The following NRG3 variants were observed in gnomAD, a reference collection of about 807,000 sequenced individuals.
NRG3 encodes pro-neuregulin-3, membrane-bound isoform.
NRG3 carries 31 observed loss-of-function variants against 66.9 expected under a neutral mutation model. The observed-to-expected ratio is 0.46, with a 90% confidence interval of 0.35 to 0.63. The LOEUF is 0.63. Among genes scored for constraint, NRG3 ranks in the 20% least tolerant of loss-of-function variants. The pLI is 0.00. For synonymous variants in NRG3, 393 were observed against 359.4 expected (o/e 1.09, Z -1.06); for missense variants, 910 against 878.9 (o/e 1.04, Z -0.45).
At chr10:82,582,803 GGT>G (rs2046440597) in intron 2 of NRG3, among the ~76,000 whole-genome samples, 1 of 151,948 alleles carries the variant, frequency 6.6e-6, no homozygotes, top group African/African-American at 2.4e-5. Context: ...ATAGCATCAT[GGT>G]CAAAGTGCTT....
At chr10:82,129,052 A>G (rs2068643713) in intron 1 of NRG3, among the ~76,000 whole-genome samples, 1 of 151,914 alleles carries the variant, frequency 6.6e-6, no homozygotes, top group Non-Finnish European at 1.5e-5. Context: ...AGCTGTGATT[A>G]CAGATGCCTG....
intron 2 of NRG3, among the ~76,000 whole-genome samples, chr10:82,596,764 C>T (rs669517): frequency 0.083 from 12,572 of 152,192 alleles, 616 homozygotes; most frequent in East Asian, 0.15. Flanking sequence ...CAGTGTTTTG[C>T]AGTGCAAATC....
intron 1 of NRG3, among the ~76,000 whole-genome samples, chr10:82,219,981 TAC>T (rs1046772230): frequency 6.6e-6 from 1 of 151,954 alleles, no homozygotes; most frequent in Non-Finnish European, 1.5e-5. Flanking sequence ...TATATATGTA[TAC>T]ACACACACAT....
At chr10:82,960,602 C>CCTGCCTTTTCTGATGA (rs1850546142) in intron 6 of NRG3, among the ~76,000 whole-genome samples, 1 of 152,000 alleles carries the variant, frequency 6.6e-6, no homozygotes, top group Non-Finnish European at 1.5e-5. Flanking sequence ...ACGTGCACAT[C>CCTGCCTTTTCTGATGA]CAGATGGCCG....
At chr10:82,451,720 C>T (rs1190552979) in intron 2 of NRG3, among the ~76,000 whole-genome samples, 3 of 152,078 alleles carry the variant, frequency 2.0e-5, no homozygotes, top group Non-Finnish European at 4.4e-5. Context: ...ATTCAAGATA[C>T]TGAATACATG....
chr10:82,223,894 T>C (rs1486528810), intron 1 of NRG3, among the ~76,000 whole-genome samples: 1 of 152,188 alleles, frequency 6.6e-6, no homozygotes, highest in Non-Finnish European at 1.5e-5. Flanking sequence ...GCACAGCTAT[T>C]ATTTTTTGGC....
intron 1 of NRG3, among the ~76,000 whole-genome samples, chr10:81,950,508 A>G (rs1282234563): frequency 6.6e-6 from 1 of 152,010 alleles, no homozygotes; most frequent in Non-Finnish European, 1.5e-5. Flanking sequence ...TGTTCTTCCT[A>G]CTCCTTCATG....
chr10:82,697,070 T>C (rs772791849), intron 2 of NRG3, among the ~76,000 whole-genome samples: 3 of 152,210 alleles, frequency 2.0e-5, no homozygotes, highest in Non-Finnish European at 4.4e-5. Context: ...GATGCTGATA[T>C]ATAATGCTTA....
At chr10:82,549,359 G>A (rs1376974798) in intron 2 of NRG3, among the ~76,000 whole-genome samples, 1 of 152,154 alleles carries the variant, frequency 6.6e-6, no homozygotes, top group Admixed American at 6.5e-5. Context: ...CATACTTACA[G>A]AGTTGAAGTT....
chr10:82,165,262 A>G (rs944537166), intron 1 of NRG3, among the ~76,000 whole-genome samples: 4 of 152,002 alleles, frequency 2.6e-5, no homozygotes, highest in African/African-American at 9.7e-5. Flanking sequence ...ACTGGGAGAA[A>G]TTTTAAGAAT....
At chr10:82,185,173 T>G (rs2073720544) in intron 1 of NRG3, among the ~76,000 whole-genome samples, 1 of 152,100 alleles carries the variant, frequency 6.6e-6, no homozygotes, top group South Asian at 2.1e-4. Context: ...AGCTTTTTTT[T>G]CAGTCTATTT....
At chr10:82,588,601 CA>C (rs2046808942) in intron 2 of NRG3, among the ~76,000 whole-genome samples, 1 of 151,980 alleles carries the variant, frequency 6.6e-6, no homozygotes, top group South Asian at 2.1e-4. Context: ...CTCCCGGGTT[CA>C]AGCAATTCTC....
intron 1 of NRG3, among the ~76,000 whole-genome samples, chr10:82,025,286 T>C (rs1249165861): frequency 2.0e-5 from 3 of 150,846 alleles, no homozygotes; most frequent in Non-Finnish European, 4.4e-5. Context: ...ATATAAGAAA[T>C]ATATATAAGA....
At chr10:82,443,050 CA>C (rs1165054292) in intron 2 of NRG3, among the ~76,000 whole-genome samples, 2 of 151,878 alleles carry the variant, frequency 1.3e-5, no homozygotes, top group African/African-American at 4.8e-5. Context: ...CCTCTCTTGG[CA>C]TTTAGATTTG....
rs550061460 is a variant in NRG3 at position 82,582,660 on chromosome 10, T to TG, written c.954-155916dup. Among the ~76,000 whole-genome samples, 1,172 of 132,698 alleles carry TG rather than the reference T, an allele frequency of 8.8e-3. 12 individuals carry two copies. Among genetic ancestry groups the TG allele is most frequent in the African/African-American group, 0.031 (1,055 of 33,868 alleles). 87.1% of individuals were successfully genotyped at this position (132,698 alleles called of 152,430 possible). On this transcript the variant is annotated intron_variant, in intron 2 of 8. Coordinates refer to ENST00000372141, the MANE Select transcript of NRG3 (RefSeq NM_001010848.4). ...CAGAAGAGGGAAAAATATCTATATG[T>TG]GTTGTGTGTGTGTGTGTGTGTGTGT...
chr10:82,322,477 A>G (rs2081627521), intron 1 of NRG3, among the ~76,000 whole-genome samples: 2 of 152,166 alleles, frequency 1.3e-5, no homozygotes, highest in African/African-American at 2.4e-5. Context: ...TTGTTTAGTT[A>G]GTTCTAGCTT....
chr10:82,420,181 G>A (rs1031953531), intron 2 of NRG3, among the ~76,000 whole-genome samples: 5 of 151,942 alleles, frequency 3.3e-5, no homozygotes, highest in South Asian at 2.1e-4. Flanking sequence ...TTTGTTTTTC[G>A]TGCTTCAATT....
chr10:82,778,877 G>A (rs2060010602), intron 3 of NRG3, among the ~76,000 whole-genome samples: 1 of 152,098 alleles, frequency 6.6e-6, no homozygotes. Flanking sequence ...TGTAGACAGG[G>A]GTGGAGCTCA....
chr10:82,770,237 AATG>A (rs1453770606), intron 3 of NRG3, among the ~76,000 whole-genome samples: 1 of 152,138 alleles, frequency 6.6e-6, no homozygotes, highest in East Asian at 1.9e-4. Flanking sequence ...CTTACATTTT[AATG>A]ATTATAATAA....
Sources: gnomAD v4.1 joint callset for allele counts (sites outside exome capture counted in the v4.1 genomes callset) on GRCh38, gnomAD v4.1.1 for gene constraint, MANE v1.5 for transcripts, NCBI Gene and HGNC (gene_info 2026-07-23, HGNC 2026-07-21) for gene names.